Variants in TRDN observed in about 807,000 individuals in gnomAD.
The protein encoded by TRDN is triadin in skeletal muscle.
Under a neutral mutation model 149.7 loss-of-function variants are expected in TRDN, and 161 were observed. The observed-to-expected ratio is 1.08, with a 90% confidence interval of 0.95 to 1.23. The LOEUF is 1.23. TRDN is among the 50% of genes most tolerant of loss of function. The probability of loss-of-function intolerance (pLI) is 0.00; values close to 1 mark genes in which losing one functional copy is unlikely to be tolerated. For synonymous variants in TRDN, 294 were observed against 250.5 expected (o/e 1.17, Z -1.64); for missense variants, 896 against 823.5 (o/e 1.09, Z -1.08).
chr6:123,233,679 G>A (rs7768519), intron 38 of TRDN, among the ~76,000 whole-genome samples: 65,098 of 151,860 alleles, frequency 0.43, 14,356 homozygotes, highest in Admixed American at 0.55. Flanking sequence ...TATGATCACT[G>A]GCACATATTA....
intron 12 of TRDN, among the ~76,000 whole-genome samples, chr6:123,419,686 A>G (rs980097213): frequency 6.6e-6 from 1 of 152,164 alleles, no homozygotes; most frequent in Non-Finnish European, 1.5e-5. Context: ...ATGGAGCACA[A>G]TCATCCACAC....
At chr6:123,413,592 C>T (rs952374750) in intron 12 of TRDN, among the ~76,000 whole-genome samples, 4 of 152,050 alleles carry the variant, frequency 2.6e-5, no homozygotes, top group Non-Finnish European at 4.4e-5. Context: ...AAAGTGAATT[C>T]TCCAGGAATA....
intron 1 of TRDN, among the ~76,000 whole-genome samples, chr6:123,588,408 A>G (rs572936206): frequency 1.3e-5 from 2 of 152,316 alleles, no homozygotes; most frequent in South Asian, 4.1e-4. Flanking sequence ...GGAAGGAGAT[A>G]TAAGGAGACA....
chr6:123,612,696 C>T (rs945685119), intron 1 of TRDN, among the ~76,000 whole-genome samples: 2 of 152,088 alleles, frequency 1.3e-5, no homozygotes, highest in Admixed American at 6.5e-5. Flanking sequence ...CACCACTGTG[C>T]GTCAAGATGA....
At chr6:123,543,768 A>G (rs1243791482) in intron 4 of TRDN, among the ~76,000 whole-genome samples, 1 of 152,078 alleles carries the variant, frequency 6.6e-6, no homozygotes, top group Non-Finnish European at 1.5e-5. Flanking sequence ...GACTCCAAAC[A>G]CTATAATATT....
chr6:123,476,754 C>T (rs1229826072), intron 9 of TRDN, among the ~76,000 whole-genome samples: 37 of 149,344 alleles, frequency 2.5e-4, no homozygotes, highest in East Asian at 1.8e-3. Context: ...GAAATAACGC[C>T]GCATATCTAT....
chr6:123,400,578 T>C (rs974072231), intron 12 of TRDN, among the ~76,000 whole-genome samples: 3 of 152,086 alleles, frequency 2.0e-5, no homozygotes, highest in African/African-American at 7.2e-5. Context: ...GTAATGCTCC[T>C]TTCCTGGCTG....
intron 5 of TRDN, among the ~76,000 whole-genome samples, chr6:123,522,557 C>T (rs1401825516): frequency 2.2e-5 from 3 of 137,154 alleles, no homozygotes; most frequent in African/African-American, 8.1e-5. Flanking sequence ...CCAAATCATC[C>T]ATATTTATCT....
chr6:123,487,264 A>G (rs1446673382), intron 9 of TRDN, among the ~76,000 whole-genome samples: 1 of 152,092 alleles, frequency 6.6e-6, no homozygotes, highest in African/African-American at 2.4e-5. Flanking sequence ...TTTAGTGGAT[A>G]GTCATGCACA....
intron 31 of TRDN, among the ~76,000 whole-genome samples, chr6:123,269,346 C>G (rs1037725908): frequency 9.2e-5 from 14 of 151,836 alleles, no homozygotes; most frequent in Non-Finnish European, 1.8e-4. Context: ...TTTCTAAATG[C>G]CAAAGTTACC....
chr6:123,231,916 A>C (rs1018892235), intron 38 of TRDN, among the ~76,000 whole-genome samples: 1 of 152,030 alleles, frequency 6.6e-6, no homozygotes, highest in Admixed American at 6.6e-5. Flanking sequence ...CCCTCTTGGG[A>C]TATGGAGAGG....
At chr6:123,329,368 T>C (rs144515031) in intron 23 of TRDN, among the ~76,000 whole-genome samples, 206 of 152,288 alleles carry the variant, frequency 1.4e-3, no homozygotes, top group African/African-American at 4.7e-3. Context: ...TGAAACCTTT[T>C]AAGGAGCTCT....
At position 123,626,615 on chromosome 6, in the gene TRDN, A is replaced by C. The variant is rs577361317; in HGVS notation, c.22+10139T>G. ...AGTTGCTTCCTCCACTGATGTCTTG[A>C]GCCCCTCAAAGTCATCATGAGGGTT... On this transcript the variant is annotated intron_variant, in intron 1 of 40. Coordinates refer to ENST00000334268, the MANE Select transcript of TRDN (RefSeq NM_006073.4). Among the ~76,000 whole-genome samples, 6 of 152,252 alleles carry C rather than the reference A, an allele frequency of 3.9e-5. No individual in the cohort carries two copies. The East Asian group carries it at 9.7e-4, about 25-fold the overall frequency.
chr6:123,316,637 T>C, intron 23 of TRDN, 142 bp from the exon 24 acceptor site: 2 of 556,334 alleles, frequency 3.6e-6, no homozygotes, highest in South Asian at 2.9e-5. Flanking sequence ...AGTTATATAC[T>C]GTTATCAAAA....
intron 32 of TRDN, among the ~76,000 whole-genome samples, chr6:123,265,565 T>C (rs1041693246): frequency 1.3e-5 from 2 of 151,324 alleles, no homozygotes; most frequent in Non-Finnish European, 3.0e-5. Flanking sequence ...TTTTTTGGTC[T>C]CTTTTTTATT....
At chr6:123,219,240 C>T (rs78456099) in intron 40 of TRDN, among the ~76,000 whole-genome samples, 62 of 151,908 alleles carry the variant, frequency 4.1e-4, no homozygotes, top group African/African-American at 1.4e-3. Context: ...CCTAAGGTGG[C>T]TTGGTTGCTC....
intron 14 of TRDN, among the ~76,000 whole-genome samples, chr6:123,387,005 T>A (rs1781929513): frequency 6.6e-6 from 1 of 152,194 alleles, no homozygotes; most frequent in Non-Finnish European, 1.5e-5. Flanking sequence ...AGAAAAAGAA[T>A]TTAAAAACTT....
At chr6:123,577,699 C>A (rs919797019) in intron 1 of TRDN, among the ~76,000 whole-genome samples, 1 of 152,100 alleles carries the variant, frequency 6.6e-6, no homozygotes, top group Non-Finnish European at 1.5e-5. Context: ...GTTTTTAGTT[C>A]TTTGAGGAAT....
intron 38 of TRDN, among the ~76,000 whole-genome samples, chr6:123,248,425 TG>T (rs926425695): frequency 7.9e-5 from 12 of 151,788 alleles, no homozygotes; most frequent in Admixed American, 1.3e-4. Flanking sequence ...GGTGTGGTGG[TG>T]GGCACCTGTA....
Sources: allele counts gnomAD v4.1 joint callset (sites outside exome capture counted in the v4.1 genomes callset), GRCh38; gene constraint gnomAD v4.1.1; transcripts MANE v1.5; gene names NCBI Gene and HGNC (gene_info 2026-07-23, HGNC 2026-07-21).